Variants in TBC1D12 observed in about 807,000 individuals in gnomAD.
TBC1D12 encodes the protein TBC1 domain family member 12, also known as TBC1 domain family, member 12.
TBC1D12 carries 56 observed loss-of-function variants against 86.7 expected under a neutral mutation model. That is an observed-to-expected ratio of 0.65 (90% CI 0.52 to 0.81). TBC1D12 has a LOEUF of 0.81. Among genes scored for constraint, TBC1D12 ranks in the 30% least tolerant of loss-of-function variants. The probability of loss-of-function intolerance (pLI) is 0.00; values close to 1 mark genes in which losing one functional copy is unlikely to be tolerated. For missense variants in TBC1D12, 1,023 were observed against 1,038.8 expected (o/e 0.98, Z 0.21); for synonymous variants, 421 against 411.7 (o/e 1.02, Z -0.27).
intron 1 of TBC1D12, among the ~76,000 whole-genome samples, chr10:94,413,541 A>G (rs2054955323): frequency 6.6e-6 from 1 of 152,094 alleles, no homozygotes; most frequent in African/African-American, 2.4e-5. Flanking sequence ...AGCCTTTCTT[A>G]TGCTTCTTAT....
chr10:94,430,592 C>CT (rs1564942755), intron 1 of TBC1D12, among the ~76,000 whole-genome samples: 1 of 152,176 alleles, frequency 6.6e-6, no homozygotes, highest in East Asian at 1.9e-4. Flanking sequence ...TCCTATGTAG[C>CT]TTTTTTTGTG....
At chr10:94,446,884 C>G (rs1329328786) in intron 2 of TBC1D12, among the ~76,000 whole-genome samples, 1 of 151,920 alleles carries the variant, frequency 6.6e-6, no homozygotes, top group African/African-American at 2.4e-5. Context: ...GAGTTCCAGA[C>G]TAGCCTGGCC....
chr10:94,423,691 TA>T (rs1319166214), intron 1 of TBC1D12, among the ~76,000 whole-genome samples: 7 of 152,096 alleles, frequency 4.6e-5, no homozygotes, highest in Non-Finnish European at 1.0e-4. Flanking sequence ...AGGCTTCTAT[TA>T]AAAAACTTGG....
rs773814679 is a variant in TBC1D12 at position 94,533,123 on chromosome 10, A to G, written c.*27A>G. On this transcript the variant is annotated 3_prime_UTR_variant, in exon 13 of 13. Transcript: ENST00000225235. Reference sequence around the variant, plus strand: ...CTTCAAAATTGACAGACTAACTGACATAGAAAAAGTGGTTTTTGGATAAAG... The same window carrying G: ...CTTCAAAATTGACAGACTAACTGACGTAGAAAAAGTGGTTTTTGGATAAAG... 3.6e-5 allele frequency: 54 copies of G among 1,490,574 alleles called. No homozygotes were observed. The highest frequency in any genetic ancestry group is 4.8e-5 in the Non-Finnish European group (53 of 1,100,380). 92.3% of individuals were successfully genotyped at this position (1,490,574 alleles called of 1,614,324 possible). A position where few individuals can be genotyped will look rare whatever the true frequency, so the allele number is the denominator to read the frequency against.
At chr10:94,415,490 T>C (rs2054987465) in intron 1 of TBC1D12, among the ~76,000 whole-genome samples, 1 of 152,134 alleles carries the variant, frequency 6.6e-6, no homozygotes, top group South Asian at 2.1e-4. Context: ...TCCCAGCACT[T>C]TGGGAGGCCG....
At chr10:94,425,817 G>C (rs931930441) in intron 1 of TBC1D12, among the ~76,000 whole-genome samples, 2 of 152,050 alleles carry the variant, frequency 1.3e-5, no homozygotes, top group Admixed American at 1.3e-4. Context: ...AGTATATCTA[G>C]CCATTTATTT....
At chr10:94,421,442 T>A (rs751519514) in intron 1 of TBC1D12, among the ~76,000 whole-genome samples, 1 of 152,234 alleles carries the variant, frequency 6.6e-6, no homozygotes, top group Non-Finnish European at 1.5e-5. Flanking sequence ...ACACTTGGGT[T>A]GTTTCCATAT....
At chr10:94,423,158 A>G (rs1389298815) in intron 1 of TBC1D12, among the ~76,000 whole-genome samples, 1 of 152,058 alleles carries the variant, frequency 6.6e-6, no homozygotes, top group Non-Finnish European at 1.5e-5. Context: ...AATAAGTAAA[A>G]TAAGAAAATA....
intron 6 of TBC1D12, among the ~76,000 whole-genome samples, chr10:94,500,981 A>G (rs1339948142): frequency 6.6e-6 from 1 of 152,058 alleles, no homozygotes; most frequent in Non-Finnish European, 1.5e-5. Flanking sequence ...ACTTGAACCC[A>G]GGAGGCAGAG....
intron 2 of TBC1D12, among the ~76,000 whole-genome samples, chr10:94,456,739 G>A (rs1197503948): frequency 6.6e-6 from 1 of 152,148 alleles, no homozygotes; most frequent in Non-Finnish European, 1.5e-5. Flanking sequence ...CTGACTGCTG[G>A]ATCTGTCCAT....
intron 1 of TBC1D12, among the ~76,000 whole-genome samples, chr10:94,420,296 G>T (rs78425650): frequency 0.16 from 24,002 of 152,124 alleles, 2,234 homozygotes; most frequent in East Asian, 0.38. Flanking sequence ...CTGGGACCTT[G>T]ATCTTAGACT....
intron 9 of TBC1D12, among the ~76,000 whole-genome samples, chr10:94,521,657 G>A (rs1469062817): frequency 6.6e-6 from 1 of 152,136 alleles, no homozygotes; most frequent in Non-Finnish European, 1.5e-5. Flanking sequence ...TTCAGACTGA[G>A]AGGAAATGAA....
chr10:94,413,510 C>T (rs2054955046), intron 1 of TBC1D12, among the ~76,000 whole-genome samples: 1 of 152,124 alleles, frequency 6.6e-6, no homozygotes. Context: ...TGGTTTTCTC[C>T]CCTCCAACAT....
chr10:94,475,628 G>A (rs529345630), intron 3 of TBC1D12, among the ~76,000 whole-genome samples: 2 of 151,976 alleles, frequency 1.3e-5, no homozygotes, highest in South Asian at 4.1e-4. Flanking sequence ...TAGAGACAGG[G>A]TTTCGCCATG....
In TBC1D12 at chr10:94,477,476, G is replaced by T. The variant is rs549960030; in HGVS notation, c.1211+2693G>T. On this transcript the variant is annotated intron_variant, in intron 3 of 12. Transcript: ENST00000225235. ...AATTTTATTGAGTATAAAACCAGCT[G>T]AGGGGAAGAAAACTGTACATGGGAA... Among the ~76,000 whole-genome samples, 12 of 152,310 alleles carry T rather than the reference G, an allele frequency of 7.9e-5. No individual in the cohort carries two copies. In the East Asian group the frequency reaches 2.3e-3, roughly 29 times the overall value.
intron 3 of TBC1D12, among the ~76,000 whole-genome samples, chr10:94,490,723 T>A (rs1589654304): frequency 6.6e-6 from 1 of 152,326 alleles, no homozygotes; most frequent in South Asian, 2.1e-4. Flanking sequence ...TTGGAGTGGT[T>A]CCAGAATAGC....
At chr10:94,526,918 A>T (rs1051868510) in intron 11 of TBC1D12, among the ~76,000 whole-genome samples, 1 of 152,212 alleles carries the variant, frequency 6.6e-6, no homozygotes, top group Non-Finnish European at 1.5e-5. Flanking sequence ...TTTTGATAAT[A>T]GCTATCCTAA....
In TBC1D12 at chr10:94,536,090, A is replaced by T. The variant is rs1842534250; in HGVS notation, c.*2994A>T. Among the ~76,000 whole-genome samples the T allele has an allele frequency of 6.6e-6, 1 of 152,124 alleles. No individual in the cohort carries two copies. The highest frequency in any genetic ancestry group is 2.4e-5 in the African/African-American group (1 of 41,444). On this transcript the variant is annotated 3_prime_UTR_variant, in exon 13 of 13. Transcript: ENST00000225235. ...TTAGACTGACAGTACTGGCAGCTAA[A>T]ATATTGTACTGTATCTTCTCTTGAG...
intron 6 of TBC1D12, among the ~76,000 whole-genome samples, chr10:94,504,645 C>CA (rs1335992235): frequency 6.6e-6 from 1 of 152,078 alleles, no homozygotes; most frequent in Non-Finnish European, 1.5e-5. Context: ...ATCTTGGTTC[C>CA]ACCATAATAT....
Sources: allele counts gnomAD v4.1 joint callset (sites outside exome capture counted in the v4.1 genomes callset), GRCh38; gene constraint gnomAD v4.1.1; transcripts MANE v1.5; gene names NCBI Gene and HGNC (gene_info 2026-07-23, HGNC 2026-07-21).